ANXA4: variants seen among roughly 807,000 people sequenced by gnomAD.
ANXA4 encodes annexin A4.
ANXA4 carries 39 observed loss-of-function variants against 49.8 expected under a neutral mutation model. That is an observed-to-expected ratio of 0.78 (90% CI 0.61 to 1.02). The LOEUF (loss-of-function observed/expected upper bound fraction) is 1.02, where lower values mean the gene tolerates loss of function less well. ANXA4 is among the 50% of genes least tolerant of loss of function. The pLI is 0.00. For missense variants in ANXA4, 360 were observed against 410.1 expected, an observed-to-expected ratio of 0.88 and a Z score of 1.05; for synonymous variants, 134 against 152.5, an observed-to-expected ratio of 0.88 and a Z score of 0.89.
At chr2:69,811,927 A>G (rs1210855328) in intron 7 of ANXA4, among the ~76,000 whole-genome samples, 1 of 152,158 alleles carries the variant, frequency 6.6e-6, no homozygotes, top group Non-Finnish European at 1.5e-5. Context: ...TCGAGACAGT[A>G]TAACAATAAA....
intron 3 of ANXA4, among the ~76,000 whole-genome samples, chr2:69,801,107 C>A (rs982569402): frequency 7.9e-5 from 12 of 152,252 alleles, no homozygotes; most frequent in African/African-American, 2.9e-4. Context: ...TTTTATTATG[C>A]AGGTGGGTTT....
intron 1 of ANXA4, among the ~76,000 whole-genome samples, chr2:69,753,075 CG>C (rs1176885449): frequency 6.6e-6 from 1 of 152,170 alleles, no homozygotes; most frequent in Admixed American, 6.5e-5. Context: ...CCCTGCAATT[CG>C]TAATAGTTCT....
chr2:69,789,892 C>T (rs1672603936), intron 3 of ANXA4, among the ~76,000 whole-genome samples: 1 of 152,054 alleles, frequency 6.6e-6, no homozygotes, highest in Admixed American at 6.6e-5. Flanking sequence ...AGACATCCAC[C>T]CAAGTCTGTT....
At chr2:69,777,948 C>G (rs1002115993) in intron 1 of ANXA4, among the ~76,000 whole-genome samples, 1 of 152,214 alleles carries the variant, frequency 6.6e-6, no homozygotes, top group African/African-American at 2.4e-5. Context: ...TCTGTCACAA[C>G]TACTCATTTC....
At chr2:69,647,710 C>CT (rs916067065) in intron 1 of ANXA4, among the ~76,000 whole-genome samples, 154 of 142,298 alleles carry the variant, frequency 1.1e-3, no homozygotes, top group Admixed American at 2.4e-3. Context: ...CGCCCAGCCA[C>CT]TTTTTAAAAA....
intron 3 of ANXA4, among the ~76,000 whole-genome samples, chr2:69,789,998 T>G (rs891197047): frequency 2.6e-5 from 4 of 152,146 alleles, no homozygotes; most frequent in Non-Finnish European, 5.9e-5. Flanking sequence ...TGAAGTTTGG[T>G]GATTACCCAG....
intron 2 of ANXA4, among the ~76,000 whole-genome samples, chr2:69,657,241 C>T (rs547767788): frequency 6.6e-6 from 1 of 152,178 alleles, no homozygotes; most frequent in South Asian, 2.1e-4. Context: ...GATCCACCCA[C>T]CTCGACCTCC....
Position 69,826,264 on chromosome 2 carries a change from A to T in ANXA4, c.*749A>T, listed in dbSNP as rs1674467929. 6.6e-6 allele frequency: 1 copy of T among 152,658 alleles called. No homozygotes were observed. Among genetic ancestry groups the T allele is most frequent in the Non-Finnish European group, 1.5e-5 (1 of 68,042 alleles). 9.5% of individuals were successfully genotyped at this position (152,658 alleles called of 1,614,324 possible). ...CAGCTTGCAAGTGAATGGAAAAAAA[A>T]ATAAGCTTCAAACTAGGTATTCTGG... On this transcript the variant is annotated 3_prime_UTR_variant, in exon 13 of 13. Transcript: ENST00000394295.
Position 69,782,672 on chromosome 2 carries a change from T to C in ANXA4, c.9+1098T>C, listed in dbSNP as rs537532267. Among the ~76,000 whole-genome samples the C allele has an allele frequency of 5.9e-5, 9 of 152,282 alleles. No homozygotes were observed. The South Asian group carries it at 1.9e-3, about 32-fold the overall frequency. On this transcript the variant is annotated intron_variant, in intron 2 of 12. Transcript: ENST00000394295. Reference sequence around the variant, plus strand: ...GCCTAGCCAACGTGGAGAATATTTATTCAGAAATGCTTATGGTGCCCCTAC... The same window carrying C: ...GCCTAGCCAACGTGGAGAATATTTACTCAGAAATGCTTATGGTGCCCCTAC...
intron 2 of ANXA4, among the ~76,000 whole-genome samples, chr2:69,658,399 CAAA>C (rs754617600): frequency 6.7e-5 from 5 of 74,628 alleles, no homozygotes; most frequent in Non-Finnish European, 6.3e-5. Flanking sequence ...GGTTCTGTCT[CAAA>C]AAAAAAAAAA....
chr2:69,676,824 T>C (rs988630426), intron 2 of ANXA4, among the ~76,000 whole-genome samples: 1 of 151,778 alleles, frequency 6.6e-6, no homozygotes, highest in Non-Finnish European at 1.5e-5. Context: ...ACCCGGGAGG[T>C]GGAGGTTGCA....
intron 2 of ANXA4, among the ~76,000 whole-genome samples, chr2:69,701,753 GTTA>G (rs1164715849): frequency 1.3e-5 from 2 of 152,092 alleles, no homozygotes; most frequent in African/African-American, 4.8e-5. Flanking sequence ...GAGGAATCTG[GTTA>G]TTGTTTTCCT....
intron 2 of ANXA4, among the ~76,000 whole-genome samples, chr2:69,664,278 G>A (rs1019539872): frequency 2.6e-5 from 4 of 152,120 alleles, no homozygotes; most frequent in African/African-American, 7.2e-5. Context: ...CTTTTTTCAA[G>A]AAGCTTTCAG....
At chr2:69,678,753 A>G (rs973244805) in intron 2 of ANXA4, among the ~76,000 whole-genome samples, 3 of 152,162 alleles carry the variant, frequency 2.0e-5, no homozygotes, top group African/African-American at 7.2e-5. Context: ...AGTAAGAATA[A>G]TAAGACCTAA....
chr2:69,761,424 T>A (rs985367366), intron 1 of ANXA4, among the ~76,000 whole-genome samples: 3 of 152,212 alleles, frequency 2.0e-5, no homozygotes, highest in African/African-American at 4.8e-5. Context: ...CCTTTAATAT[T>A]TGCATCCACA....
intron 3 of ANXA4, among the ~76,000 whole-genome samples, chr2:69,723,800 T>C (rs1421465166): frequency 2.6e-5 from 4 of 152,186 alleles, no homozygotes; most frequent in South Asian, 2.1e-4. Context: ...TCCTCCCACG[T>C]TGGTCTCCTA....
chr2:69,718,378 A>G (rs1412551005), intron 2 of ANXA4, among the ~76,000 whole-genome samples: 4 of 152,070 alleles, frequency 2.6e-5, no homozygotes, highest in East Asian at 3.8e-4. Flanking sequence ...TTACCTGACA[A>G]TCTCTTAAGA....
Position 69,825,603 on chromosome 2 carries a change from GA to G in ANXA4, c.*90del. ...CTACACTGCTATTATCATTATCTCA[GA>G]ATGCTTATTTCCAATTAAAACGCCT... On this transcript the variant is annotated 3_prime_UTR_variant, in exon 13 of 13. Transcript: ENST00000394295. 1.0e-6 allele frequency: 1 copy of G among 1,001,944 alleles called. No homozygotes were observed. Among genetic ancestry groups the G allele is most frequent in the African/African-American group, 1.6e-5 (1 of 60,608 alleles). The allele number at this position is 1,001,944 out of a possible 1,614,324, so 62.1% of individuals were successfully genotyped here. A position where few individuals can be genotyped will look rare whatever the true frequency, so the allele number is the denominator to read the frequency against.
chr2:69,815,076 C>T (rs912380148), intron 8 of ANXA4: 1 of 152,204 alleles, frequency 6.6e-6, no homozygotes, highest in Non-Finnish European at 1.5e-5. Context: ...TTCTTGAAAA[C>T]AAAAGCTTTC....
Sources: allele counts gnomAD v4.1 joint callset (sites outside exome capture counted in the v4.1 genomes callset), GRCh38; gene constraint gnomAD v4.1.1; transcripts MANE v1.5; gene names NCBI Gene and HGNC (gene_info 2026-07-23, HGNC 2026-07-21).